Variants in DYNC2H1 observed in about 807,000 individuals in gnomAD.
DYNC2H1 encodes the protein cytoplasmic dynein 2 heavy chain 1.
A neutral mutation model predicts 570.0 loss-of-function variants in DYNC2H1; 410 were observed. That is an observed-to-expected ratio of 0.72 (90% confidence interval 0.66 to 0.78). The LOEUF (loss-of-function observed/expected upper bound fraction) is 0.78. Among genes scored for constraint, DYNC2H1 ranks in the 30% least tolerant of loss-of-function variants. DYNC2H1 has a pLI of 0.00. For missense variants in DYNC2H1, 4,865 were observed against 5,046.4 expected, an observed-to-expected ratio of 0.96 and a Z score of 1.09; for synonymous variants, 1,688 against 1,677.6, an observed-to-expected ratio of 1.01 and a Z score of -0.15.
intron 83 of DYNC2H1, among the ~76,000 whole-genome samples, chr11:103,367,209 C>T (rs1422328285): frequency 2.0e-5 from 3 of 151,952 alleles, no homozygotes; most frequent in African/African-American, 2.4e-5. Context: ...TGTGTGTATA[C>T]TGCTTTATCA....
chr11:103,191,461 A>T (rs1862307597), intron 45 of DYNC2H1, 56 bp from the exon 46 acceptor site: 1 of 1,368,156 alleles, frequency 7.3e-7, no homozygotes, highest in Non-Finnish European at 1.0e-6. Context: ...AAAAATTTAT[A>T]ACATGATTAT....
rs778720641 is a variant in DYNC2H1 at position 103,253,426 on chromosome 11, C to G, written c.10184C>G (p.Thr3395Arg). Residue 3395 changes from threonine (T) to arginine (R), a missense_variant, in exon 66 of 89, where the codon ACA becomes AGA. Thr to Arg is a moderately conservative substitution (Grantham distance 71). This residue lies in a region of DYNC2H1 where 2,401 missense variants were observed against 2,454.6 expected (regional missense o/e 0.98). Coordinates refer to ENST00000375735, the MANE Select transcript of DYNC2H1 (RefSeq NM_001377.3). ...SIVTEVNFTT[T>R]RSGLRGQLLA... Reference sequence around the variant, plus strand: ...GTTACTGAGGTTAACTTTACTACAACAAGAAGTGGATTACGAGGGCAGGTA... The same window carrying G: ...GTTACTGAGGTTAACTTTACTACAAGAAGAAGTGGATTACGAGGGCAGGTA... 7 of 1,612,702 alleles carry G rather than the reference C, an allele frequency of 4.3e-6. No homozygotes were observed. In the Admixed American group the frequency reaches 1.0e-4, roughly 23 times the overall value.
chr11:103,179,005 A>G lies in DYNC2H1; in HGVS notation c.6140-21A>G, dbSNP rs1861740340. The G allele has an allele frequency of 5.0e-6, 8 of 1,590,800 alleles. No individual in the cohort carries two copies. The East Asian group carries it at 1.1e-4, about 22-fold the overall frequency. On this transcript the variant is annotated intron_variant, in intron 38 of 88. Coordinates refer to ENST00000375735, the MANE Select transcript of DYNC2H1 (RefSeq NM_001377.3). ...CTGCATATATTTTTATTTTGTCTCC[A>G]CTGTTTTGATTTGAAAATAGATGTC...
chr11:103,123,104 C>A (rs566737737), intron 11 of DYNC2H1, 104 bp downstream of exon 11: 5 of 958,354 alleles, frequency 5.2e-6, no homozygotes, highest in East Asian at 6.6e-5. Context: ...ACTTGCTACT[C>A]CTCCTGTAAT....
At chr11:103,315,597 C>A (rs1445322296) in intron 79 of DYNC2H1, among the ~76,000 whole-genome samples, 1 of 152,030 alleles carries the variant, frequency 6.6e-6, no homozygotes, top group African/African-American at 2.4e-5. Flanking sequence ...GTTCTTAAAT[C>A]TGTCTACTTT....
rs1207554379 is a variant in DYNC2H1, at chr11:103,192,119, T to G, written c.7563T>G (p.Asp2521Glu). Residue 2521 changes from aspartate to glutamate, a missense_variant, in exon 47 of 89, where the codon GAT (aspartate) becomes GAG (glutamate). Asp to Glu is a conservative substitution (Grantham distance 45, BLOSUM62 2). Coordinates refer to ENST00000375735, the MANE Select transcript of DYNC2H1 (RefSeq NM_001377.3). ...TAGGATCCTCAAACCATCCACTAGA[T>G]TATGTGTTAGAAATTGTAGCATATG... ...LEGGSSNHPL[D>E]YVLEIVAYEA... The G allele has an allele frequency of 1.3e-6, 2 of 1,532,382 alleles. No homozygotes were observed. The highest frequency in any genetic ancestry group is 1.8e-6 in the Non-Finnish European group (2 of 1,133,890). 94.9% of individuals were successfully genotyped at this position (1,532,382 alleles called of 1,614,324 possible).
Position 103,114,005 on chromosome 11 carries a change from G to C in DYNC2H1, c.367-98G>C, listed in dbSNP as rs961092240. 8 of 1,404,836 alleles carry C rather than the reference G, an allele frequency of 5.7e-6. No homozygotes were observed. The African/African-American group carries it at 1.0e-4, about 18-fold the overall frequency. The allele number at this position is 1,404,836 out of a possible 1,614,324, so 87.0% of individuals were successfully genotyped here. On this transcript the variant is annotated intron_variant, in intron 2 of 88. Coordinates refer to ENST00000375735, the MANE Select transcript of DYNC2H1 (RefSeq NM_001377.3). ...TCTTATGAAGTGGAGGTAGTGGCAG[G>C]CTTTAAGAAAAATGGGGTTTTGGAC... is the stretch of plus-strand genomic sequence containing the variant.
In DYNC2H1 at chr11:103,323,995, C is replaced by G. The variant is rs763566677; in HGVS notation, c.12039+5C>G. 20 of 1,564,520 alleles carry G rather than the reference C, an allele frequency of 1.3e-5. No individual in the cohort carries two copies. The highest frequency in any genetic ancestry group is 1.6e-5 in the Non-Finnish European group (19 of 1,160,000). On this transcript the variant is annotated splice_donor_5th_base_variant and intron_variant, in intron 82 of 88. Transcript: ENST00000375735. ...CAGCGCATGATCAGTTCTCAGGTAA[C>G]CTAAAAAAAAGATCTACCTTCAAAA...
Position 103,201,520 on chromosome 11 carries a change from C to G in DYNC2H1, c.8197+1366C>G, listed in dbSNP as rs569592756. On this transcript the variant is annotated intron_variant, in intron 50 of 88. Transcript: ENST00000375735. The surrounding 1 kb of genome is among the most constrained non-coding windows in gnomAD (Gnocchi z 4.8). ...CAACAACAACAACAACAACTAAAAA[C>G]GAATTCTTTGCTACTACCCTAAATC... 1.3e-5 allele frequency among the ~76,000 whole-genome samples: 2 copies of G among 152,082 alleles called. No homozygotes were observed. Among genetic ancestry groups the G allele is most frequent in the African/African-American group, 4.8e-5 (2 of 41,418 alleles).
At chr11:103,354,715 A>G (rs1486669303) in intron 82 of DYNC2H1, among the ~76,000 whole-genome samples, 3 of 152,022 alleles carry the variant, frequency 2.0e-5, no homozygotes, top group East Asian at 1.9e-4. Flanking sequence ...TGCTAGGTTG[A>G]CAGTCTTTTT....
In DYNC2H1 at chr11:103,177,120, G is replaced by A. The variant is rs1321946848; in HGVS notation, c.5875-436G>A. On this transcript the variant is annotated intron_variant, in intron 37 of 88. Transcript: ENST00000375735. This position sits in a 1 kb window ranked among gnomAD's most constrained non-coding sequence, Gnocchi z 4.4. ...TATATATATGATTTAGTTTCATTTT[G>A]ATAATTTATTAGGATTTTAAGTGAG... 1.3e-5 allele frequency among the ~76,000 whole-genome samples: 2 copies of A among 151,958 alleles called. No individual in the cohort carries two copies. Among genetic ancestry groups the A allele is most frequent in the Non-Finnish European group, 2.9e-5 (2 of 67,992 alleles).
At chr11:103,443,187 A>C (rs575916984) in intron 85 of DYNC2H1, among the ~76,000 whole-genome samples, 1 of 152,144 alleles carries the variant, frequency 6.6e-6, no homozygotes, top group East Asian at 1.9e-4. Context: ...TGTGAACAAA[A>C]CATTGTGTAC....
rs763317497 is a variant in DYNC2H1, at chr11:103,147,805, C to A, written c.2736C>A (p.Cys912Ter). The change falls in exon 19 of 89, where the codon TGC becomes TGA. Residue 912 changes from cysteine to a stop codon, truncating the protein, a stop_gained. Coordinates refer to ENST00000375735, the MANE Select transcript of DYNC2H1 (RefSeq NM_001377.3). LOFTEE classifies it high-confidence loss of function. ...AVKVDCLNIN[C>*]NPVKTVIDDL... ...AGGTAGATTGTTTAAATATTAATTG[C>A]AACCCTGTGAAGACTGTGATTGATG... 6.2e-7 allele frequency: 1 copy of A among 1,609,380 alleles called. No individual in the cohort carries two copies. The highest frequency in any genetic ancestry group is 1.1e-5 in the South Asian group (1 of 89,760).
intron 88 of DYNC2H1, 136 bp downstream of exon 88, chr11:103,468,841 C>A: frequency 1.6e-6 from 1 of 612,560 alleles, no homozygotes; most frequent in Non-Finnish European, 2.8e-6. Flanking sequence ...AATTTGCAGT[C>A]AAAAGTACTT....
At chr11:103,136,676 C>A (rs1859575812) in intron 17 of DYNC2H1, among the ~76,000 whole-genome samples, 1 of 152,154 alleles carries the variant, frequency 6.6e-6, no homozygotes, top group Non-Finnish European at 1.5e-5. Context: ...AATAGTGCCA[C>A]AATAAACATA....
chr11:103,337,347 C>CTG (rs950221232), intron 82 of DYNC2H1, among the ~76,000 whole-genome samples: 1 of 152,144 alleles, frequency 6.6e-6, no homozygotes, highest in Non-Finnish European at 1.5e-5. Flanking sequence ...TGCCATATTT[C>CTG]TGTGTGTGTG....
chr11:103,136,016 A>G, intron 17 of DYNC2H1, 68 bp downstream of exon 17: 1 of 1,298,790 alleles, frequency 7.7e-7, no homozygotes, highest in Non-Finnish European at 1.0e-6. Context: ...TTTACATTAA[A>G]TGTATACATT....
chr11:103,396,822 G>A (rs1942417408), intron 83 of DYNC2H1, among the ~76,000 whole-genome samples: 1 of 152,190 alleles, frequency 6.6e-6, no homozygotes, highest in Non-Finnish European at 1.5e-5. Flanking sequence ...TATGTCTTCT[G>A]TAGCAATATG....
At chr11:103,467,404 C>T (rs1246093690) in intron 87 of DYNC2H1, among the ~76,000 whole-genome samples, 2 of 152,178 alleles carry the variant, frequency 1.3e-5, no homozygotes, top group Non-Finnish European at 2.9e-5. Flanking sequence ...CTAAACCATT[C>T]CCTGACTGTA....
Sources: allele counts gnomAD v4.1 joint callset (sites outside exome capture counted in the v4.1 genomes callset), GRCh38; gene constraint gnomAD v4.1.1; regional missense constraint gnomAD v4.1.1; non-coding constraint Gnocchi (gnomAD v3.1); transcripts MANE v1.5; gene names NCBI Gene and HGNC (gene_info 2026-07-23, HGNC 2026-07-21).